DLGAP2: variants seen among roughly 807,000 people sequenced by gnomAD.
DLGAP2 encodes DLG associated protein 2, also known as disks large-associated protein 2.
In DLGAP2, 26 loss-of-function variants were observed where a neutral mutation model predicts 100.3. The ratio of observed to expected loss-of-function variants is 0.26; its 90% CI spans 0.19 to 0.36. The LOEUF is 0.36. Among genes scored for constraint, DLGAP2 ranks in the 10% least tolerant of loss-of-function variants. DLGAP2 has a pLI of 1.00. For synonymous variants in DLGAP2, 886 were observed against 630.1 expected (o/e 1.41, Z -6.08); for missense variants, 1,858 against 1,453.2 (o/e 1.28, Z -4.53).
At chr8:1,030,202 C>T (rs1801934724) in intron 2 of DLGAP2, among the ~76,000 whole-genome samples, 1 of 152,192 alleles carries the variant, frequency 6.6e-6, no homozygotes, top group African/African-American at 2.4e-5. Context: ...GACCCGAAAG[C>T]AATGAGCGTA....
chr8:1,375,102 C>T (rs1802358085), intron 3 of DLGAP2, among the ~76,000 whole-genome samples: 1 of 146,602 alleles, frequency 6.8e-6, no homozygotes, highest in Non-Finnish European at 1.5e-5. Flanking sequence ...GAACTGAGCC[C>T]CCACCTCCTA....
At chr8:1,091,365 C>T (rs754787045) in intron 2 of DLGAP2, among the ~76,000 whole-genome samples, 64 of 152,238 alleles carry the variant, frequency 4.2e-4, no homozygotes, top group Non-Finnish European at 8.8e-4. Flanking sequence ...TGGCGAAGGA[C>T]ATGGGGGAGG....
intron 3 of DLGAP2, among the ~76,000 whole-genome samples, chr8:1,303,598 T>C (rs959129671): frequency 9.2e-5 from 14 of 152,066 alleles, no homozygotes; most frequent in Non-Finnish European, 1.9e-4. Context: ...AACTCTCTCT[T>C]AACGGAGAAT....
At chr8:1,231,473 C>T (rs1261375130) in intron 2 of DLGAP2, among the ~76,000 whole-genome samples, 8 of 152,112 alleles carry the variant, frequency 5.3e-5, no homozygotes. Context: ...GCAGCAATCC[C>T]ATTACTGGCT....
intron 3 of DLGAP2, among the ~76,000 whole-genome samples, chr8:1,368,129 G>A (rs749802023): frequency 3.0e-4 from 46 of 152,156 alleles, no homozygotes; most frequent in Non-Finnish European, 5.9e-4. Flanking sequence ...AGGCATGTGC[G>A]TGTATGCATG....
At chr8:740,697 A>G (rs886465574) in intron 1 of DLGAP2, among the ~76,000 whole-genome samples, 2 of 152,204 alleles carry the variant, frequency 1.3e-5, no homozygotes, top group African/African-American at 4.8e-5. Context: ...TATTTTGAAG[A>G]TATCATCTTC....
chr8:912,888 G>A (rs1013584935), intron 2 of DLGAP2, among the ~76,000 whole-genome samples: 2 of 143,288 alleles, frequency 1.4e-5, no homozygotes, highest in Admixed American at 6.9e-5. Context: ...CTGTGGAGCT[G>A]GATCCCCGCA....
intron 2 of DLGAP2, among the ~76,000 whole-genome samples, chr8:945,781 C>G (rs896553843): frequency 1.1e-4 from 17 of 152,060 alleles, no homozygotes; most frequent in Admixed American, 7.2e-4. Context: ...CTCTCTCTCT[C>G]ACTCTCTCCC....
intron 2 of DLGAP2, among the ~76,000 whole-genome samples, chr8:962,925 G>A (rs144931168): frequency 2.0e-5 from 3 of 152,304 alleles, no homozygotes; most frequent in East Asian, 1.9e-4. Flanking sequence ...CTGAGGTACC[G>A]ACTGCAGCAG....
chr8:1,540,372 C>T (rs6981846), intron 4 of DLGAP2, among the ~76,000 whole-genome samples: 2,289 of 152,284 alleles, frequency 0.015, 71 homozygotes, highest in African/African-American at 0.052. Context: ...TACCACGGTA[C>T]CTTGTTTGCA....
intron 3 of DLGAP2, chr8:1,381,180 G>A (rs61743288): frequency 1.3e-5 from 2 of 152,080 alleles, no homozygotes; most frequent in East Asian, 1.9e-4. Flanking sequence ...CAGAACAGGT[G>A]CTTCCCCAGG....
intron 2 of DLGAP2, among the ~76,000 whole-genome samples, chr8:1,247,679 T>C (rs113039978): frequency 2.0e-4 from 4 of 20,104 alleles, no homozygotes; most frequent in South Asian, 2.5e-3. Context: ...TGGTCCATGT[T>C]GGTGGCCGGG....
intron 8 of DLGAP2, among the ~76,000 whole-genome samples, chr8:1,645,164 A>C (rs933997847): frequency 6.6e-6 from 1 of 152,288 alleles, no homozygotes; most frequent in Non-Finnish European, 1.5e-5. Flanking sequence ...GAATCATTCA[A>C]CATCAGTACA....
intron 2 of DLGAP2, among the ~76,000 whole-genome samples, chr8:944,143 G>C (rs1180800080): frequency 6.6e-6 from 1 of 152,246 alleles, no homozygotes; most frequent in Non-Finnish European, 1.5e-5. Flanking sequence ...CTGCTGATCT[G>C]TTAGGTGGTA....
chr8:758,579 T>A (rs1446696857), intron 1 of DLGAP2, among the ~76,000 whole-genome samples: 1 of 152,142 alleles, frequency 6.6e-6, no homozygotes, highest in African/African-American at 2.4e-5. Flanking sequence ...AAATTTTATT[T>A]GAGACAGGGT....
intron 2 of DLGAP2, among the ~76,000 whole-genome samples, chr8:970,256 G>A (rs1054241231): frequency 6.6e-6 from 1 of 152,174 alleles, no homozygotes; most frequent in Admixed American, 6.5e-5. Flanking sequence ...AAAATTGATG[G>A]TGGGTTTGCA....
At chr8:774,436 T>C (rs1252658525) in intron 1 of DLGAP2, among the ~76,000 whole-genome samples, 1 of 152,232 alleles carries the variant, frequency 6.6e-6, no homozygotes, top group Non-Finnish European at 1.5e-5. Context: ...GCCTATGTCC[T>C]GAATGGCAAT....
At chr8:785,568 C>T (rs1821833203) in intron 1 of DLGAP2, among the ~76,000 whole-genome samples, 1 of 143,148 alleles carries the variant, frequency 7.0e-6, no homozygotes, top group Non-Finnish European at 1.5e-5. Flanking sequence ...ACCGGCCTCC[C>T]TCCCCTCAGG....
intron 2 of DLGAP2, among the ~76,000 whole-genome samples, chr8:1,154,185 G>C (rs1796741049): frequency 6.6e-6 from 1 of 152,136 alleles, no homozygotes; most frequent in South Asian, 2.1e-4. Flanking sequence ...GTAATGTAAG[G>C]GGTAATTGTG....
Sources: allele counts gnomAD v4.1 joint callset (sites outside exome capture counted in the v4.1 genomes callset), GRCh38; gene constraint gnomAD v4.1.1; transcripts MANE v1.5; gene names NCBI Gene and HGNC (gene_info 2026-07-23, HGNC 2026-07-21).